PIP5K1B: variants seen among roughly 807,000 people sequenced by gnomAD.
The protein encoded by PIP5K1B is phosphatidylinositol-4-phosphate 5-kinase type 1 beta, also known as phosphatidylinositol 4-phosphate 5-kinase type-1 beta.
A neutral mutation model predicts 67.0 loss-of-function variants in PIP5K1B; 42 were observed. The observed-to-expected ratio is 0.63, with a 90% CI of 0.49 to 0.81. PIP5K1B has a LOEUF of 0.81. Among genes scored for constraint, PIP5K1B ranks in the 30% least tolerant of loss-of-function variants. The probability of loss-of-function intolerance (pLI) is 0.00; values close to 1 mark genes in which losing one functional copy is unlikely to be tolerated. For synonymous variants in PIP5K1B, 214 were observed against 231.4 expected, an observed-to-expected ratio of 0.92 and a Z score of 0.68; for missense variants, 459 against 646.3, an observed-to-expected ratio of 0.71 and a Z score of 3.14.
At chr9:68,720,846 C>T (rs764735052) in intron 1 of PIP5K1B, among the ~76,000 whole-genome samples, 20 of 152,170 alleles carry the variant, frequency 1.3e-4, no homozygotes, top group African/African-American at 3.9e-4. Context: ...GATCCTTTAC[C>T]GTGTCTGAAA....
At chr9:68,971,645 C>T (rs1357943387) in intron 14 of PIP5K1B, among the ~76,000 whole-genome samples, 1 of 152,228 alleles carries the variant, frequency 6.6e-6, no homozygotes. Flanking sequence ...TCCACATCCT[C>T]TCCAGCATCT....
chr9:69,005,582 G>A (rs1831039585), intron 15 of PIP5K1B, among the ~76,000 whole-genome samples: 1 of 151,888 alleles, frequency 6.6e-6, no homozygotes, highest in South Asian at 2.1e-4. Context: ...CTCCATGTTG[G>A]TCAGGCTGGT....
intron 8 of PIP5K1B, among the ~76,000 whole-genome samples, chr9:68,901,178 G>T (rs953579207): frequency 6.6e-6 from 1 of 152,112 alleles, no homozygotes; most frequent in Non-Finnish European, 1.5e-5. Flanking sequence ...TAAGGAATTC[G>T]ATTTTGTTTT....
chr9:68,909,570 C>CT (rs1396288635), intron 8 of PIP5K1B, among the ~76,000 whole-genome samples: 1 of 152,146 alleles, frequency 6.6e-6, no homozygotes, highest in Non-Finnish European at 1.5e-5. Flanking sequence ...CCTTGTCACT[C>CT]TGATTTTTTC....
At position 68,793,373 on chromosome 9, in the gene PIP5K1B, C is replaced by T. The variant is rs186021599; in HGVS notation, c.-85-25088C>T. ...CTGTGTTGAGAATAGACTCTGAGGG[C>T]GTGGTAGAGGCAGGGGGACCAATTA... On this transcript the variant is annotated intron_variant, in intron 2 of 15. Coordinates refer to ENST00000265382, the MANE Select transcript of PIP5K1B (RefSeq NM_003558.4). Among the ~76,000 whole-genome samples the T allele has an allele frequency of 2.0e-4, 30 of 151,948 alleles. No individual in the cohort carries two copies. In the East Asian group the frequency reaches 3.9e-3, roughly 20 times the overall value.
intron 14 of PIP5K1B, among the ~76,000 whole-genome samples, chr9:68,944,553 C>T (rs995407553): frequency 6.6e-6 from 1 of 152,226 alleles, no homozygotes; most frequent in Non-Finnish European, 1.5e-5. Flanking sequence ...TTGGGCTCAC[C>T]CTGCAGACAT....
intron 4 of PIP5K1B, among the ~76,000 whole-genome samples, chr9:68,856,210 G>A (rs1251118932): frequency 2.0e-5 from 3 of 152,086 alleles, no homozygotes; most frequent in African/African-American, 7.2e-5. Context: ...CCTGTTACCC[G>A]ACTAATGAAC....
At chr9:68,714,712 T>C (rs1247794900) in intron 1 of PIP5K1B, among the ~76,000 whole-genome samples, 1 of 152,226 alleles carries the variant, frequency 6.6e-6, no homozygotes, top group African/African-American at 2.4e-5. Flanking sequence ...AGTAGCTTTC[T>C]ACCCTGATGT....
At chr9:68,842,279 A>G (rs1340176634) in intron 4 of PIP5K1B, among the ~76,000 whole-genome samples, 1 of 152,266 alleles carries the variant, frequency 6.6e-6, no homozygotes, top group Admixed American at 6.5e-5. Context: ...GAGGGTGGAC[A>G]GTGGTACACA....
intron 1 of PIP5K1B, among the ~76,000 whole-genome samples, chr9:68,718,541 AC>A (rs1827735168): frequency 6.6e-6 from 1 of 152,134 alleles, no homozygotes; most frequent in South Asian, 2.1e-4. Flanking sequence ...AAAATAGGGA[AC>A]CCTTGGCTAT....
At chr9:68,771,981 C>T (rs1296622503) in intron 2 of PIP5K1B, among the ~76,000 whole-genome samples, 1 of 152,134 alleles carries the variant, frequency 6.6e-6, no homozygotes, top group Non-Finnish European at 1.5e-5. Flanking sequence ...GTTGCACTTA[C>T]TGGTCATATT....
chr9:68,981,241 T>TA (rs1829868191), intron 14 of PIP5K1B, among the ~76,000 whole-genome samples: 1 of 152,080 alleles, frequency 6.6e-6, no homozygotes, highest in South Asian at 2.1e-4. Context: ...GTTGATGGAA[T>TA]AAAAAAGCTC....
chr9:68,722,948 C>T (rs761492125), intron 1 of PIP5K1B, among the ~76,000 whole-genome samples: 73 of 152,298 alleles, frequency 4.8e-4, no homozygotes, highest in African/African-American at 1.7e-3. Context: ...TTCATCCCCT[C>T]GTCTCCCCTA....
At chr9:68,709,001 A>G (rs1827257064) in intron 1 of PIP5K1B, among the ~76,000 whole-genome samples, 1 of 152,218 alleles carries the variant, frequency 6.6e-6, no homozygotes, top group Admixed American at 6.5e-5. Context: ...GGTCACAAAG[A>G]TGATAGCAGG....
At chr9:68,942,486 G>T (rs1370138939) in intron 14 of PIP5K1B, among the ~76,000 whole-genome samples, 1 of 148,718 alleles carries the variant, frequency 6.7e-6, no homozygotes, top group Non-Finnish European at 1.5e-5. Context: ...GGTGGTGGTG[G>T]TAAGTATCCA....
intron 14 of PIP5K1B, among the ~76,000 whole-genome samples, chr9:68,957,246 G>A (rs73647044): frequency 1.3e-5 from 2 of 151,286 alleles, no homozygotes; most frequent in African/African-American, 4.8e-5. Flanking sequence ...AAAAAAAAAA[G>A]GTGGGGAGGG....
chr9:69,000,287 T>C (rs952314752), intron 15 of PIP5K1B, among the ~76,000 whole-genome samples: 2 of 152,170 alleles, frequency 1.3e-5, no homozygotes, highest in Non-Finnish European at 2.9e-5. Context: ...CCTACAGCCA[T>C]GGAACTCCCA....
intron 4 of PIP5K1B, among the ~76,000 whole-genome samples, chr9:68,830,271 A>T (rs1006456187): frequency 3.3e-4 from 50 of 152,016 alleles, no homozygotes; most frequent in African/African-American, 4.8e-5. Flanking sequence ...GTTACCATGC[A>T]CCCCCCGCCC....
At chr9:68,895,541 C>T (rs893720389) in intron 8 of PIP5K1B, among the ~76,000 whole-genome samples, 1 of 151,766 alleles carries the variant, frequency 6.6e-6, no homozygotes, top group Non-Finnish European at 1.5e-5. Context: ...GACCCAAACT[C>T]ACGTGAAGGT....
Sources: allele counts gnomAD v4.1 joint callset (sites outside exome capture counted in the v4.1 genomes callset), GRCh38; gene constraint gnomAD v4.1.1; transcripts MANE v1.5; gene names NCBI Gene and HGNC (gene_info 2026-07-23, HGNC 2026-07-21).